The following MYO3A variants were observed in gnomAD, a reference collection of about 807,000 sequenced individuals.
The protein encoded by MYO3A is myosin-IIIa.
A neutral mutation model predicts 192.7 loss-of-function variants in MYO3A; 180 were observed. The observed-to-expected ratio is 0.93, with a 90% CI of 0.83 to 1.06. The LOEUF (loss-of-function observed/expected upper bound fraction) is 1.06. MYO3A is among the 50% of genes least tolerant of loss of function. The probability of loss-of-function intolerance (pLI) is 0.00; values close to 1 mark genes in which losing one functional copy is unlikely to be tolerated. For synonymous variants in MYO3A, 628 were observed against 645.3 expected, an observed-to-expected ratio of 0.97 and a Z score of 0.41; for missense variants, 1,896 against 1,905.0, an observed-to-expected ratio of 1.00 and a Z score of 0.09.
chr10:26,044,157 C>T (rs1168472710), intron 10 of MYO3A, among the ~76,000 whole-genome samples: 1 of 152,192 alleles, frequency 6.6e-6, no homozygotes, highest in Non-Finnish European at 1.5e-5. Flanking sequence ...GATTGCTGCC[C>T]TATCTTACTA....
intron 2 of MYO3A, among the ~76,000 whole-genome samples, chr10:25,937,197 C>T (rs1336455965): frequency 6.6e-6 from 1 of 152,184 alleles, no homozygotes; most frequent in Admixed American, 6.5e-5. Flanking sequence ...TGCAACTGCT[C>T]ATGGCAGAAG....
intron 2 of MYO3A, among the ~76,000 whole-genome samples, chr10:25,947,497 G>A (rs910478418): frequency 1.1e-4 from 17 of 148,058 alleles, no homozygotes; most frequent in Admixed American, 7.6e-4. Context: ...GGGTTCAAGC[G>A]ATTCTCCTGC....
At chr10:26,024,864 T>C (rs1056975398) in intron 9 of MYO3A, among the ~76,000 whole-genome samples, 1 of 152,182 alleles carries the variant, frequency 6.6e-6, no homozygotes, top group African/African-American at 2.4e-5. Context: ...TTGGTTTGTC[T>C]TCCTCTAGTA....
intron 4 of MYO3A, among the ~76,000 whole-genome samples, chr10:25,974,298 TA>T (rs1838845450): frequency 1.3e-5 from 2 of 152,206 alleles, no homozygotes; most frequent in African/African-American, 4.8e-5. Flanking sequence ...AATAATTTTT[TA>T]AAAGGTATAA....
intron 7 of MYO3A, 122 bp from the exon 8 acceptor site, chr10:26,021,381 C>T (rs1033601986): frequency 3.5e-5 from 41 of 1,172,974 alleles, no homozygotes; most frequent in East Asian, 1.7e-4. Context: ...TTACTGCCTT[C>T]GTCTTTACTT....
At chr10:26,160,530 A>G (rs1841434913) in intron 26 of MYO3A, among the ~76,000 whole-genome samples, 1 of 152,166 alleles carries the variant, frequency 6.6e-6, no homozygotes. Context: ...CTGTAGTCTT[A>G]GCTACTCAGG....
intron 4 of MYO3A, among the ~76,000 whole-genome samples, chr10:25,992,864 G>C (rs1840144743): frequency 6.6e-6 from 1 of 152,210 alleles, no homozygotes; most frequent in Admixed American, 6.5e-5. Flanking sequence ...AAGCCCACTT[G>C]ATCATAGTGG....
At chr10:26,148,500 A>G (rs1489149257) in intron 23 of MYO3A, among the ~76,000 whole-genome samples, 2 of 152,128 alleles carry the variant, frequency 1.3e-5, no homozygotes, top group African/African-American at 4.8e-5. Flanking sequence ...TTTTCCATAT[A>G]CGTTTTAGAA....
At chr10:26,031,673 A>G (rs770289887) in intron 10 of MYO3A, among the ~76,000 whole-genome samples, 1 of 152,176 alleles carries the variant, frequency 6.6e-6, no homozygotes, top group African/African-American at 2.4e-5. Flanking sequence ...ATTCTATTTC[A>G]TTTTATTTTA....
At chr10:26,007,835 C>T (rs1841334569) in intron 6 of MYO3A, among the ~76,000 whole-genome samples, 1 of 151,326 alleles carries the variant, frequency 6.6e-6, no homozygotes, top group East Asian at 1.9e-4. Flanking sequence ...TCATTGCCAT[C>T]CCCATCAAGC....
chr10:26,002,162 T>C (rs771116908), intron 6 of MYO3A, among the ~76,000 whole-genome samples: 10 of 152,210 alleles, frequency 6.6e-5, no homozygotes, highest in Non-Finnish European at 1.3e-4. Flanking sequence ...GAAATTGCAA[T>C]TTCTCTGTGT....
intron 2 of MYO3A, among the ~76,000 whole-genome samples, chr10:25,936,711 A>C (rs886919300): frequency 1.3e-5 from 2 of 152,178 alleles, no homozygotes; most frequent in South Asian, 4.1e-4. Flanking sequence ...CTATCATTGG[A>C]CACGTAATTT....
rs1298286063 is a variant in MYO3A at position 26,049,679 on chromosome 10, T to TC, written c.954-17296_954-17295insC. On this transcript the variant is annotated intron_variant, in intron 10 of 34. Transcript: ENST00000642920. The stretch of plus-strand genomic sequence containing the variant: ...TTTCTTTCTTTCTTTCTTTCTTTTT[T>TC]TTTTTTTTTTTTTTTTTGAGACGGA... Among the ~76,000 whole-genome samples the TC allele has an allele frequency of 1.8e-3, 250 of 135,174 alleles. 1 individual carries two copies. Among genetic ancestry groups the TC allele is most frequent in the Admixed American group, 4.1e-3 (57 of 13,872 alleles). 88.7% of individuals were successfully genotyped at this position (135,174 alleles called of 152,430 possible). A position where few individuals can be genotyped will look rare whatever the true frequency, so the allele number is the denominator to read the frequency against.
chr10:25,976,504 C>T (rs1289006556), intron 4 of MYO3A, among the ~76,000 whole-genome samples: 1 of 152,116 alleles, frequency 6.6e-6, no homozygotes, highest in African/African-American at 2.4e-5. Flanking sequence ...GTAAAAATCT[C>T]ATGTCCCCTC....
rs368368013 is a variant in MYO3A at position 26,198,974 on chromosome 10, C to T, written c.4546-2291C>T. Among the ~76,000 whole-genome samples, 12 of 152,226 alleles carry T rather than the reference C, an allele frequency of 7.9e-5. No homozygotes were observed. The South Asian group carries it at 1.7e-3, about 21-fold the overall frequency. On this transcript the variant is annotated intron_variant, in intron 32 of 34. Coordinates refer to ENST00000642920, the MANE Select transcript of MYO3A (RefSeq NM_017433.5). Reference sequence around the variant, plus strand: ...GCAAAAAAGTCCCCACTATAAAGTCCGTGTAATAAATTTCTTATAAAATCC... The same window carrying T: ...GCAAAAAAGTCCCCACTATAAAGTCTGTGTAATAAATTTCTTATAAAATCC...
At chr10:26,166,203 G>GA (rs1269145150) in intron 27 of MYO3A, 25 bp downstream of exon 27, 1 of 1,536,176 alleles carries the variant, frequency 6.5e-7, no homozygotes, top group Admixed American at 1.7e-5. Flanking sequence ...TAATTTTCAG[G>GA]AAAATAAATA....
In MYO3A at chr10:26,088,383, T is replaced by A. The variant is rs754872237; in HGVS notation, c.1540T>A (p.Ser514Thr). The change falls in exon 15 of 35, where the codon TCC becomes ACC. Residue 514 changes from serine (S) to threonine (T), a missense_variant. Ser to Thr is a moderately conservative substitution (Grantham distance 58). Coordinates refer to ENST00000642920, the MANE Select transcript of MYO3A (RefSeq NM_017433.5). ...AQISEYLLEK[S>T]RVIHQAIGEK... ...GATTTCTGAATATCTCCTGGAAAAA[T>A]CCCGAGTTATCCACCAAGCTATGTA... 2.2e-5 allele frequency: 36 copies of A among 1,613,664 alleles called. No individual in the cohort carries two copies. The highest frequency in any genetic ancestry group is 3.1e-5 in the Non-Finnish European group (36 of 1,179,782).
At chr10:26,145,403 A>T (rs781716966) in intron 21 of MYO3A, 43 bp from the exon 22 acceptor site, 1 of 1,328,682 alleles carries the variant, frequency 7.5e-7, no homozygotes, top group Non-Finnish European at 1.1e-6. Flanking sequence ...TTTTTTGAGG[A>T]TCTCATACAT....
chr10:26,033,691 C>G (rs1307651113), intron 10 of MYO3A, among the ~76,000 whole-genome samples: 3 of 152,096 alleles, frequency 2.0e-5, no homozygotes, highest in Non-Finnish European at 4.4e-5. Flanking sequence ...TTTTAGTAAA[C>G]AGGATAAGAC....
Sources: gnomAD v4.1 joint callset for allele counts (sites outside exome capture counted in the v4.1 genomes callset) on GRCh38, gnomAD v4.1.1 for gene constraint, MANE v1.5 for transcripts, NCBI Gene and HGNC (gene_info 2026-07-23, HGNC 2026-07-21) for gene names.